ELMOD1: variants seen among roughly 807,000 people sequenced by gnomAD.
The protein encoded by ELMOD1 is ELMO domain containing 1.
ELMOD1 carries 21 observed loss-of-function variants against 46.7 expected under a neutral mutation model. The ratio of observed to expected loss-of-function variants is 0.45; its 90% CI spans 0.32 to 0.65. The LOEUF (loss-of-function observed/expected upper bound fraction) is 0.65. Among genes scored for constraint, ELMOD1 ranks in the 30% least tolerant of loss-of-function variants. The probability of loss-of-function intolerance (pLI) is 0.04; values close to 1 mark genes in which losing one functional copy is unlikely to be tolerated. For missense variants in ELMOD1, 348 were observed against 407.8 expected, an observed-to-expected ratio of 0.85 and a Z score of 1.26; for synonymous variants, 122 against 138.2, an observed-to-expected ratio of 0.88 and a Z score of 0.82.
At chr11:107,650,059 G>C (rs1866498366) in intron 7 of ELMOD1, among the ~76,000 whole-genome samples, 1 of 151,968 alleles carries the variant, frequency 6.6e-6, no homozygotes, top group African/African-American at 2.4e-5. Flanking sequence ...TAAAATCCTT[G>C]GTTCTCTGGG....
At position 107,638,006 on chromosome 11, in the gene ELMOD1, A is replaced by T. The variant is rs908802344; in HGVS notation, c.420+2241A>T. On this transcript the variant is annotated intron_variant, in intron 6 of 11. Coordinates refer to ENST00000265840, the MANE Select transcript of ELMOD1 (RefSeq NM_018712.4). Reference sequence around the variant, plus strand: ...TGGCATTTTGGAGGCTTTCCAGTGTATTTCATGAAGCTACAGCTCCTGTAT... The same window carrying T: ...TGGCATTTTGGAGGCTTTCCAGTGTTTTTCATGAAGCTACAGCTCCTGTAT... Among the ~76,000 whole-genome samples, 3 of 152,134 alleles carry T rather than the reference A, an allele frequency of 2.0e-5. No individual in the cohort carries two copies. In the East Asian group the frequency reaches 5.8e-4, roughly 29 times the overall value.
At chr11:107,600,443 T>C (rs543763222) in intron 1 of ELMOD1, 40 of 152,348 alleles carry the variant, frequency 2.6e-4, no homozygotes, top group African/African-American at 9.6e-4. Context: ...TAACACGTCA[T>C]ATCACAGTTC....
intron 6 of ELMOD1, among the ~76,000 whole-genome samples, chr11:107,641,942 T>C (rs1163246247): frequency 8.3e-6 from 1 of 121,182 alleles, no homozygotes; most frequent in Non-Finnish European, 1.8e-5. Flanking sequence ...GCTTACTCTT[T>C]TTTTTTTTTT....
At chr11:107,650,522 C>A in intron 8 of ELMOD1, 119 bp downstream of exon 8, 1 of 775,362 alleles carries the variant, frequency 1.3e-6, no homozygotes, top group Non-Finnish European at 2.1e-6. Flanking sequence ...CTTTTTCAAA[C>A]AAGCCCTTGT....
chr11:107,632,887 C>T (rs1205960098), intron 5 of ELMOD1, among the ~76,000 whole-genome samples: 1 of 151,864 alleles, frequency 6.6e-6, no homozygotes, highest in Non-Finnish European at 1.5e-5. Flanking sequence ...TTTAAAAGAC[C>T]CTTTTAGGTT....
At chr11:107,651,303 G>A (rs1045333544) in intron 9 of ELMOD1, among the ~76,000 whole-genome samples, 1 of 152,142 alleles carries the variant, frequency 6.6e-6, no homozygotes, top group Non-Finnish European at 1.5e-5. Flanking sequence ...ATAAATGATA[G>A]TTTTGTGTGT....
intron 9 of ELMOD1, among the ~76,000 whole-genome samples, chr11:107,652,729 C>G (rs1328955543): frequency 6.6e-6 from 1 of 152,128 alleles, no homozygotes; most frequent in Non-Finnish European, 1.5e-5. Flanking sequence ...AGAAGTTACA[C>G]TTTAAAAATA....
intron 6 of ELMOD1, chr11:107,643,785 C>T (rs763457209): frequency 4.3e-5 from 16 of 375,542 alleles, no homozygotes; most frequent in Admixed American, 5.9e-5. Context: ...GAACAGCTAG[C>T]GTACTGTCCA....
chr11:107,651,725 C>T (rs189668289), intron 9 of ELMOD1, among the ~76,000 whole-genome samples: 66 of 152,316 alleles, frequency 4.3e-4, no homozygotes, highest in African/African-American at 1.5e-3. Flanking sequence ...AGACTCTAAA[C>T]TCCCTCTAGT....
chr11:107,641,120 C>T (rs1302903336), intron 6 of ELMOD1, among the ~76,000 whole-genome samples: 2 of 151,944 alleles, frequency 1.3e-5, no homozygotes, highest in East Asian at 1.9e-4. Context: ...GGTGAAACAC[C>T]GTCTCTACCA....
chr11:107,609,551 C>T (rs1306763768), intron 1 of ELMOD1, among the ~76,000 whole-genome samples: 1 of 152,140 alleles, frequency 6.6e-6, no homozygotes, highest in Non-Finnish European at 1.5e-5. Context: ...AGATCGACTT[C>T]TAAGAGTTAG....
rs663011 is a variant in ELMOD1, at chr11:107,666,131, A to G, written c.*934A>G. The G allele has an allele frequency of 0.79, 119,533 of 152,138 alleles. 47,864 individuals are homozygous for G. The highest frequency in any genetic ancestry group is 0.94 in the African/African-American group (38,907 of 41,522). 9.4% of individuals were successfully genotyped at this position (152,138 alleles called of 1,614,324 possible). On this transcript the variant is annotated 3_prime_UTR_variant, in exon 12 of 12. Transcript: ENST00000265840. Reference sequence around the variant, plus strand: ...AGCTGTTTTTGTTTGAAGTACTGCAAAATTATATTGTAACTTCCCCTCACC... The same window carrying G: ...AGCTGTTTTTGTTTGAAGTACTGCAGAATTATATTGTAACTTCCCCTCACC...
chr11:107,618,690 C>T (rs1372928638), intron 2 of ELMOD1, among the ~76,000 whole-genome samples: 1 of 152,090 alleles, frequency 6.6e-6, no homozygotes, highest in Non-Finnish European at 1.5e-5. Flanking sequence ...CTCTTCTTAC[C>T]TCAGTGATGT....
chr11:107,644,432 C>G (rs564964522), intron 6 of ELMOD1, among the ~76,000 whole-genome samples: 1 of 152,106 alleles, frequency 6.6e-6, no homozygotes, highest in South Asian at 2.1e-4. Context: ...CTTTTGCCAT[C>G]TTGCTGCACT....
intron 2 of ELMOD1, among the ~76,000 whole-genome samples, chr11:107,628,077 T>C (rs1033824342): frequency 2.0e-5 from 3 of 151,868 alleles, no homozygotes; most frequent in East Asian, 3.9e-4. Flanking sequence ...TAACAAGATA[T>C]TGCTCAATCT....
intron 1 of ELMOD1, among the ~76,000 whole-genome samples, chr11:107,605,156 C>G (rs1865664017): frequency 6.7e-6 from 1 of 148,816 alleles, no homozygotes; most frequent in African/African-American, 2.5e-5. Context: ...TTAAAATCTC[C>G]TTATTCTTTT....
intron 2 of ELMOD1, among the ~76,000 whole-genome samples, chr11:107,621,685 T>TCA (rs57723188): frequency 4.0e-5 from 6 of 151,124 alleles, no homozygotes; most frequent in South Asian, 2.1e-4. Flanking sequence ...TTGTGTCACA[T>TCA]TACCCCATTA....
chr11:107,655,984 A>G lies in ELMOD1; in HGVS notation c.750A>G (p.Leu250=). ...ATATAACTGACCTGGCATATAATCT[A>G]CTGGTCAGCGGAGCTCTAAAAACCC... The part of the protein sequence containing the change: ...GINITDLAYN[L]LVSGALKTHF... Residue 250 remains leucine (L), a synonymous_variant, in exon 11 of 12, where the codon CTA becomes CTG. Coordinates refer to ENST00000265840, the MANE Select transcript of ELMOD1 (RefSeq NM_018712.4). The G allele has an allele frequency of 1.3e-6, 2 of 1,595,778 alleles. No homozygotes were observed. Among genetic ancestry groups the G allele is most frequent in the Non-Finnish European group, 1.7e-6 (2 of 1,169,686 alleles).
Position 107,641,317 on chromosome 11 carries a change from G to GTATA in ELMOD1, c.420+5566_420+5569dup, listed in dbSNP as rs35650343. 1.9e-3 allele frequency among the ~76,000 whole-genome samples: 281 copies of GTATA among 149,672 alleles called. 1 individual carries two copies. Among genetic ancestry groups the GTATA allele is most frequent in the Non-Finnish European group, 3.4e-3 (227 of 67,350 alleles). On this transcript the variant is annotated intron_variant, in intron 6 of 11. Coordinates refer to ENST00000265840, the MANE Select transcript of ELMOD1 (RefSeq NM_018712.4). Reference sequence around the variant, plus strand: ...AAAAAAGAAAAAAGAAAAAAAATAAGTATATATATATATATATCTCTAACA... The same window carrying GTATA: ...AAAAAAGAAAAAAGAAAAAAAATAAGTATATATATATATATATATATCTCTAACA...
Sources: gnomAD v4.1 joint callset for allele counts (sites outside exome capture counted in the v4.1 genomes callset) on GRCh38, gnomAD v4.1.1 for gene constraint, MANE v1.5 for transcripts, NCBI Gene and HGNC (gene_info 2026-07-23, HGNC 2026-07-21) for gene names.